The following FHIT variants were observed in gnomAD, a reference collection of about 807,000 sequenced individuals.
The protein encoded by FHIT is fragile histidine triad diadenosine triphosphatase.
In FHIT, 19 loss-of-function variants were observed where a neutral mutation model predicts 17.9. The ratio of observed to expected loss-of-function variants is 1.06; its 90% confidence interval spans 0.74 to 1.56. FHIT has a LOEUF of 1.56. Ranked by LOEUF, FHIT falls within the 40% of genes most tolerant of loss-of-function variation. FHIT has a pLI of 0.00. For missense variants in FHIT, 248 were observed against 189.2 expected (o/e 1.31, Z -1.82); for synonymous variants, 81 against 69.7 (o/e 1.16, Z -0.81).
intron 5 of FHIT, among the ~76,000 whole-genome samples, chr3:60,189,757 T>G (rs1330836860): frequency 6.6e-6 from 1 of 152,218 alleles, no homozygotes; most frequent in African/African-American, 2.4e-5. Context: ...TTTTTTCATT[T>G]CAAAAGAGTT....
chr3:60,728,543 T>A (rs932223744), intron 4 of FHIT, among the ~76,000 whole-genome samples: 1 of 152,190 alleles, frequency 6.6e-6, no homozygotes, highest in Non-Finnish European at 1.5e-5. Flanking sequence ...CCCATTAAAT[T>A]CTACCTCGCA....
At chr3:60,299,283 T>C (rs1708347863) in intron 5 of FHIT, among the ~76,000 whole-genome samples, 1 of 152,176 alleles carries the variant, frequency 6.6e-6, no homozygotes, top group African/African-American at 2.4e-5. Context: ...TCTTTATACA[T>C]TGCTGAATTC....
chr3:60,662,247 C>T (rs2040274996), intron 4 of FHIT, among the ~76,000 whole-genome samples: 1 of 152,160 alleles, frequency 6.6e-6, no homozygotes, highest in South Asian at 2.1e-4. Context: ...CAGTTTCATT[C>T]TTCTACATGT....
At chr3:60,578,892 C>G (rs2037662552) in intron 4 of FHIT, among the ~76,000 whole-genome samples, 1 of 152,102 alleles carries the variant, frequency 6.6e-6, no homozygotes. Flanking sequence ...GAAACATTTT[C>G]TAGATGTCTT....
At chr3:61,055,610 A>G (rs557694692) in intron 2 of FHIT, among the ~76,000 whole-genome samples, 2 of 152,328 alleles carry the variant, frequency 1.3e-5, no homozygotes, top group African/African-American at 4.8e-5. Context: ...ATTCCCATGT[A>G]TAACCACATT....
At chr3:60,337,272 A>T (rs1022137615) in intron 5 of FHIT, among the ~76,000 whole-genome samples, 33 of 152,142 alleles carry the variant, frequency 2.2e-4, no homozygotes, top group African/African-American at 7.7e-4. Flanking sequence ...CTAGGAAGAC[A>T]TGAAGTTCTA....
At chr3:60,831,831 A>T (rs146284568) in intron 3 of FHIT, among the ~76,000 whole-genome samples, 1 of 152,024 alleles carries the variant, frequency 6.6e-6, no homozygotes, top group Non-Finnish European at 1.5e-5. Flanking sequence ...TTAACCACTC[A>T]CTCTGCAGAA....
At chr3:60,739,371 C>T (rs2042199034) in intron 4 of FHIT, among the ~76,000 whole-genome samples, 1 of 152,126 alleles carries the variant, frequency 6.6e-6, no homozygotes, top group Non-Finnish European at 1.5e-5. Context: ...CAGGCACCCA[C>T]CCCTAGACAC....
At chr3:60,206,149 A>AAATAAT (rs1041282613) in intron 5 of FHIT, among the ~76,000 whole-genome samples, 6 of 94,138 alleles carry the variant, frequency 6.4e-5, no homozygotes, top group African/African-American at 1.4e-4. Flanking sequence ...AAAAAAAAAT[A>AAATAAT]AATAATAATA....
At chr3:60,375,692 A>G (rs1372488654) in intron 5 of FHIT, among the ~76,000 whole-genome samples, 3 of 152,158 alleles carry the variant, frequency 2.0e-5, no homozygotes, top group African/African-American at 7.2e-5. Flanking sequence ...TTACTTTCAT[A>G]TTCTGGAGCT....
At chr3:60,379,253 C>T (rs1700703887) in intron 5 of FHIT, among the ~76,000 whole-genome samples, 1 of 151,984 alleles carries the variant, frequency 6.6e-6, no homozygotes, top group South Asian at 2.1e-4. Context: ...TACATCCTTC[C>T]ATCCAAAAAG....
intron 3 of FHIT, among the ~76,000 whole-genome samples, chr3:60,858,986 C>G (rs1171394182): frequency 1.3e-5 from 2 of 152,208 alleles, no homozygotes; most frequent in Non-Finnish European, 1.5e-5. Flanking sequence ...CAGACAAAAA[C>G]TTGGAATGCA....
chr3:61,153,719 CA>C (rs1298546097), intron 2 of FHIT, among the ~76,000 whole-genome samples: 1 of 152,088 alleles, frequency 6.6e-6, no homozygotes, highest in Non-Finnish European at 1.5e-5. Flanking sequence ...TTACAGAAGA[CA>C]ATGTTCACAG....
chr3:60,697,772 A>G (rs1382914555), intron 4 of FHIT, among the ~76,000 whole-genome samples: 1 of 152,176 alleles, frequency 6.6e-6, no homozygotes, highest in East Asian at 1.9e-4. Flanking sequence ...TAAGTATGCT[A>G]CCTAGACCCA....
At chr3:59,865,252 T>G (rs1702591693) in intron 8 of FHIT, among the ~76,000 whole-genome samples, 1 of 152,074 alleles carries the variant, frequency 6.6e-6, no homozygotes, top group African/African-American at 2.4e-5. Flanking sequence ...ACATTAAATC[T>G]TATATTTAAA....
intron 2 of FHIT, among the ~76,000 whole-genome samples, chr3:61,197,193 T>C (rs2038876838): frequency 6.6e-6 from 1 of 152,230 alleles, no homozygotes. Context: ...GTTATGCATT[T>C]GTTAAAATTT....
intron 5 of FHIT, among the ~76,000 whole-genome samples, chr3:60,317,453 C>T (rs1338953544): frequency 1.3e-5 from 2 of 151,280 alleles, no homozygotes; most frequent in African/African-American, 4.9e-5. Context: ...ACCCCCAGAT[C>T]TCATAAAATA....
At chr3:59,974,161 G>C (rs1291241185) in intron 7 of FHIT, among the ~76,000 whole-genome samples, 9 of 152,044 alleles carry the variant, frequency 5.9e-5, no homozygotes, top group African/African-American at 2.2e-4. Flanking sequence ...ACTCCAGAGA[G>C]TTACCATTGC....
intron 7 of FHIT, among the ~76,000 whole-genome samples, chr3:59,944,932 G>A (rs1420439913): frequency 1.3e-5 from 2 of 152,128 alleles, no homozygotes; most frequent in Non-Finnish European, 2.9e-5. Flanking sequence ...TACCTTGGAT[G>A]GGCTTTTAGG....
Sources: allele counts gnomAD v4.1 joint callset (sites outside exome capture counted in the v4.1 genomes callset), GRCh38; gene constraint gnomAD v4.1.1; transcripts MANE v1.5; gene names NCBI Gene and HGNC (gene_info 2026-07-23, HGNC 2026-07-21).